The following DAPK1 variants were observed in gnomAD, a reference collection of about 807,000 sequenced individuals.
DAPK1 encodes death associated protein kinase 1, also known as death-associated protein kinase 1.
Under a neutral mutation model 144.9 loss-of-function variants are expected in DAPK1, and 56 were observed. That is an observed-to-expected ratio of 0.39 (90% CI 0.31 to 0.48). DAPK1 has a LOEUF of 0.48. Ranked by LOEUF, DAPK1 falls within the 20% of genes least tolerant of loss-of-function variation. The pLI is 0.95. For missense variants in DAPK1, 1,454 were observed against 1,875.4 expected, an observed-to-expected ratio of 0.78 and a Z score of 4.15; for synonymous variants, 690 against 749.0, an observed-to-expected ratio of 0.92 and a Z score of 1.29.
chr9:87,682,939 A>AT (rs1337473268), intron 20 of DAPK1, among the ~76,000 whole-genome samples: 5 of 152,010 alleles, frequency 3.3e-5, no homozygotes, highest in Non-Finnish European at 7.4e-5. Flanking sequence ...TTCCAGTGTG[A>AT]TTTTTTTGTT....
chr9:87,645,587 T>C (rs1412300152), intron 11 of DAPK1, among the ~76,000 whole-genome samples: 1 of 152,240 alleles, frequency 6.6e-6, no homozygotes, highest in Non-Finnish European at 1.5e-5. Context: ...TTTTGACAGA[T>C]TCTTAAGATA....
intron 2 of DAPK1, among the ~76,000 whole-genome samples, chr9:87,571,476 A>ACCCC (rs771023885): frequency 2.1e-5 from 1 of 48,548 alleles, no homozygotes; most frequent in Non-Finnish European, 3.7e-5. Flanking sequence ...CACACACACC[A>ACCCC]ACACACACAC....
chr9:87,699,240 G>T (rs575718429), intron 23 of DAPK1, among the ~76,000 whole-genome samples: 1 of 152,296 alleles, frequency 6.6e-6, no homozygotes, highest in Admixed American at 6.5e-5. Context: ...CGTGATGAAA[G>T]CAACCCCCTT....
intron 21 of DAPK1, among the ~76,000 whole-genome samples, chr9:87,696,111 C>CT (rs891716786): frequency 6.6e-6 from 1 of 151,710 alleles, no homozygotes; most frequent in African/African-American, 2.4e-5. Context: ...GTGGTTCTCT[C>CT]TTTTTTTTAA....
chr9:87,666,302 GTTCAGGAC>G (rs1564058760), intron 18 of DAPK1, among the ~76,000 whole-genome samples: 2 of 152,118 alleles, frequency 1.3e-5, no homozygotes, highest in African/African-American at 4.8e-5. Context: ...TGAGGGGTGG[GTTCAGGAC>G]TTCAAACTGG....
intron 18 of DAPK1, among the ~76,000 whole-genome samples, chr9:87,661,515 T>C (rs1830847061): frequency 6.6e-6 from 1 of 152,166 alleles, no homozygotes; most frequent in African/African-American, 2.4e-5. Context: ...ATAATGGCCA[T>C]TCTGATTGGT....
intron 21 of DAPK1, among the ~76,000 whole-genome samples, chr9:87,692,469 C>T (rs1825094670): frequency 4.6e-5 from 7 of 152,110 alleles, no homozygotes; most frequent in Admixed American, 4.6e-4. Context: ...AATTCATATA[C>T]ATTCAAGGTT....
chr9:87,570,560 C>T (rs1827294023), intron 2 of DAPK1, among the ~76,000 whole-genome samples: 2 of 152,182 alleles, frequency 1.3e-5, no homozygotes, highest in Non-Finnish European at 1.5e-5. Context: ...TTGTACCTCT[C>T]GTAAATAATA....
At chr9:87,510,527 C>T (rs547069024) in intron 2 of DAPK1, among the ~76,000 whole-genome samples, 1 of 152,308 alleles carries the variant, frequency 6.6e-6, no homozygotes, top group South Asian at 2.1e-4. Context: ...TTCCTGTATT[C>T]CTTCACGATT....
chr9:87,681,232 C>T (rs1293339449), intron 19 of DAPK1, among the ~76,000 whole-genome samples, 172 bp from the exon 20 acceptor site: 14 of 149,434 alleles, frequency 9.4e-5, no homozygotes, highest in Admixed American at 8.8e-4. Flanking sequence ...GAGCTGAGAT[C>T]GTGCCATTGC....
chr9:87,566,028 T>C (rs1358289139), intron 2 of DAPK1, among the ~76,000 whole-genome samples: 2 of 151,178 alleles, frequency 1.3e-5, no homozygotes, highest in East Asian at 3.9e-4. Context: ...TTCTTTTTTT[T>C]TTTTTTTTTT....
In DAPK1 at chr9:87,706,982, A is replaced by T; in HGVS notation, c.3911A>T (p.Asp1304Val). 1 of 1,613,532 alleles carries T rather than the reference A, an allele frequency of 6.2e-7. No homozygotes were observed. Among genetic ancestry groups the T allele is most frequent in the Admixed American group, 1.7e-5 (1 of 60,002 alleles). ...ASLGMDIHAS[D>V]LNLLTRRKLS... is the part of the protein sequence containing the mutation. ...CTCGGCATGGACATCCATGCATCAG[A>T]CCTGAACCTCCTCACTCGGAGGAAA... The change falls in exon 26 of 26, where the codon GAC (aspartate) becomes GTC (valine). Residue 1304 changes from aspartate to valine, a missense_variant. Coordinates refer to ENST00000408954, the MANE Select transcript of DAPK1 (RefSeq NM_004938.4). The surrounding 1 kb of genome is among the most constrained non-coding windows in gnomAD (Gnocchi z 9.0).
At chr9:87,519,216 A>G (rs541999826) in intron 2 of DAPK1, among the ~76,000 whole-genome samples, 1 of 152,334 alleles carries the variant, frequency 6.6e-6, no homozygotes, top group African/African-American at 2.4e-5. Flanking sequence ...GAGAGCAGGC[A>G]GCAATGGCAG....
intron 2 of DAPK1, among the ~76,000 whole-genome samples, chr9:87,584,684 G>GTGTGTGTGTGTGTA (rs1301665158): frequency 4.0e-5 from 6 of 151,848 alleles, no homozygotes; most frequent in African/African-American, 1.5e-4. Context: ...GTGTGTGTGT[G>GTGTGTGTGTGTGTA]TGTGTGTTTG....
At chr9:87,629,523 T>G (rs1322461589) in intron 3 of DAPK1, among the ~76,000 whole-genome samples, 1 of 152,168 alleles carries the variant, frequency 6.6e-6, no homozygotes, top group Non-Finnish European at 1.5e-5. Context: ...CTTTTATTTT[T>G]TATTGTTTTT....
chr9:87,620,001 A>G (rs967950943), intron 3 of DAPK1, among the ~76,000 whole-genome samples: 1 of 152,008 alleles, frequency 6.6e-6, no homozygotes, highest in African/African-American at 2.4e-5. Flanking sequence ...TCTGGCATGC[A>G]TGGGCCCAGA....
Position 87,497,936 on chromosome 9 carries a change from C to G in DAPK1, c.-280C>G. 2.5e-6 allele frequency: 1 copy of G among 396,452 alleles called. No individual in the cohort carries two copies. The highest frequency in any genetic ancestry group is 4.4e-6 in the Non-Finnish European group (1 of 225,202). 24.6% of individuals were successfully genotyped at this position (396,452 alleles called of 1,614,324 possible). On this transcript the variant is annotated 5_prime_UTR_variant, in exon 1 of 26. Transcript: ENST00000408954. Reference sequence around the variant, plus strand: ...GACTTTGTTCCCTCCGCGGAGGGGACTCGGCAACTCGCAGCGGCAGGGTCT... The same window carrying G: ...GACTTTGTTCCCTCCGCGGAGGGGAGTCGGCAACTCGCAGCGGCAGGGTCT...
intron 18 of DAPK1, among the ~76,000 whole-genome samples, chr9:87,659,322 G>T (rs1039727508): frequency 6.6e-6 from 1 of 152,090 alleles, no homozygotes; most frequent in Non-Finnish European, 1.5e-5. Context: ...GTCACCCACC[G>T]CAAACGCACA....
At chr9:87,633,013 A>G in intron 3 of DAPK1, 1 of 980,674 alleles carries the variant, frequency 1.0e-6, no homozygotes, top group Non-Finnish European at 1.2e-6. Flanking sequence ...AGGGATGAGA[A>G]GGATGAGTAT....
Sources: gnomAD v4.1 joint callset for allele counts (sites outside exome capture counted in the v4.1 genomes callset) on GRCh38, gnomAD v4.1.1 for gene constraint, Gnocchi (gnomAD v3.1) non-coding constraint, MANE v1.5 for transcripts, NCBI Gene and HGNC (gene_info 2026-07-23, HGNC 2026-07-21) for gene names.